The following GALNT17 variants were observed in gnomAD, a reference collection of about 807,000 sequenced individuals.
The protein encoded by GALNT17 is polypeptide N-acetylgalactosaminyltransferase 17, also known as UDP-GalNAc:polypeptide N-acetylgalactosaminyltransferase-like 3.
Under a neutral mutation model 63.7 loss-of-function variants are expected in GALNT17, and 29 were observed. The observed-to-expected ratio is 0.46, with a 90% confidence interval of 0.34 to 0.62. The LOEUF (loss-of-function observed/expected upper bound fraction) is 0.62, where lower values mean the gene tolerates loss of function less well. Among genes scored for constraint, GALNT17 ranks in the 20% least tolerant of loss-of-function variants. The pLI is 0.01. For missense variants in GALNT17, 603 were observed against 799.6 expected (o/e 0.75, Z 2.97); for synonymous variants, 305 against 318.3 (o/e 0.96, Z 0.45).
intron 1 of GALNT17, among the ~76,000 whole-genome samples, chr7:71,222,323 G>T (rs374477542): frequency 6.6e-6 from 1 of 151,998 alleles, no homozygotes; most frequent in Admixed American, 6.6e-5. Context: ...TCTAATCTGA[G>T]CCTCACACAC....
chr7:71,406,346 CT>C (rs1793328547), intron 3 of GALNT17, among the ~76,000 whole-genome samples: 1 of 152,134 alleles, frequency 6.6e-6, no homozygotes, highest in Admixed American at 6.5e-5. Context: ...CACGGGTGCC[CT>C]TCGAGGTCAT....
Position 71,424,377 on chromosome 7 carries a change from G to A in GALNT17, c.962+3272G>A, listed in dbSNP as rs796544997. 1.9e-4 allele frequency among the ~76,000 whole-genome samples: 29 copies of A among 152,334 alleles called. 1 individual carries two copies. Among genetic ancestry groups the A allele is most frequent in the African/African-American group, 6.7e-4 (28 of 41,576 alleles). ...CAGATAACAGTATGAGGGTGTCACC[G>A]TAAGTGCTGTCAACAGAGAAAAAGA... On this transcript the variant is annotated intron_variant, in intron 5 of 10. Transcript: ENST00000333538.
At position 71,162,124 on chromosome 7, in the gene GALNT17, C is replaced by T. The variant is rs1333028368; in HGVS notation, c.238+29084C>T. On this transcript the variant is annotated intron_variant, in intron 1 of 10. Transcript: ENST00000333538. ...CCCTTCCTTCCTCCCTCCCTCCCTC[C>T]CTTCCTTCCTTCCTTCCTTCCTTCC... Among the ~76,000 whole-genome samples, 3 of 51,720 alleles carry T rather than the reference C, an allele frequency of 5.8e-5. No homozygotes were observed. The East Asian group carries it at 6.9e-3, about 119-fold the overall frequency. The allele number at this position is 51,720 out of a possible 152,430, so 33.9% of individuals were successfully genotyped here.
At chr7:71,704,045 A>C (rs1791690192) in intron 9 of GALNT17, among the ~76,000 whole-genome samples, 1 of 152,110 alleles carries the variant, frequency 6.6e-6, no homozygotes. Context: ...AAAGATGAGA[A>C]GGGCCCAGGC....
intron 1 of GALNT17, among the ~76,000 whole-genome samples, chr7:71,204,657 C>T (rs1251485521): frequency 6.6e-6 from 1 of 151,922 alleles, no homozygotes; most frequent in East Asian, 1.9e-4. Flanking sequence ...CCTCCGCCTC[C>T]TGGGTTCAAG....
At chr7:71,570,324 G>C (rs1789418271) in intron 5 of GALNT17, among the ~76,000 whole-genome samples, 1 of 152,080 alleles carries the variant, frequency 6.6e-6, no homozygotes, top group Admixed American at 6.6e-5. Flanking sequence ...GATACCTTTA[G>C]GCACTAGGAT....
At chr7:71,425,553 C>G (rs562903123) in intron 5 of GALNT17, among the ~76,000 whole-genome samples, 2 of 152,188 alleles carry the variant, frequency 1.3e-5, no homozygotes, top group East Asian at 1.9e-4. Context: ...AAATCTAGAG[C>G]CTTTGTGAAA....
At chr7:71,543,670 C>T (rs896454811) in intron 5 of GALNT17, among the ~76,000 whole-genome samples, 1 of 148,650 alleles carries the variant, frequency 6.7e-6, no homozygotes, top group Non-Finnish European at 1.5e-5. Context: ...TGTTATCTTA[C>T]AAGCAGAGGG....
At chr7:71,515,659 G>A (rs1005386662) in intron 5 of GALNT17, among the ~76,000 whole-genome samples, 1 of 152,240 alleles carries the variant, frequency 6.6e-6, no homozygotes, top group Non-Finnish European at 1.5e-5. Context: ...CATGGGGAGA[G>A]GAGAATTATC....
chr7:71,241,839 T>TC (rs1252865863), intron 1 of GALNT17, among the ~76,000 whole-genome samples: 2 of 152,084 alleles, frequency 1.3e-5, no homozygotes, highest in African/African-American at 4.8e-5. Flanking sequence ...CAGTGAGCCA[T>TC]GATCACGCCC....
chr7:71,460,770 T>C (rs1305668677), intron 5 of GALNT17, among the ~76,000 whole-genome samples: 1 of 152,186 alleles, frequency 6.6e-6, no homozygotes, highest in African/African-American at 2.4e-5. Flanking sequence ...GCCTCCCCTT[T>C]TTAGGCCATA....
chr7:71,298,886 G>T (rs1208873079), intron 1 of GALNT17, among the ~76,000 whole-genome samples: 1 of 152,144 alleles, frequency 6.6e-6, no homozygotes, highest in Non-Finnish European at 1.5e-5. Flanking sequence ...AGTCATAGCT[G>T]CCCGGGACAT....
At chr7:71,564,739 C>T (rs916798241) in intron 5 of GALNT17, among the ~76,000 whole-genome samples, 4 of 152,288 alleles carry the variant, frequency 2.6e-5, no homozygotes, top group Middle Eastern at 3.4e-3. Context: ...CCCACAGCCT[C>T]CTGGGCACCT....
chr7:71,452,850 A>G (rs1787288422), intron 5 of GALNT17, among the ~76,000 whole-genome samples: 1 of 152,168 alleles, frequency 6.6e-6, no homozygotes, highest in Admixed American at 6.6e-5. Context: ...TTTTCTGGCC[A>G]GTTATGTAAA....
At chr7:71,348,889 T>G (rs1477789546) in intron 2 of GALNT17, among the ~76,000 whole-genome samples, 2 of 152,210 alleles carry the variant, frequency 1.3e-5, no homozygotes, top group African/African-American at 4.8e-5. Flanking sequence ...TTCCTCACTC[T>G]AGCAGTGCAC....
chr7:71,546,092 TCAACAA>T (rs369535513), intron 5 of GALNT17, among the ~76,000 whole-genome samples: 5 of 151,256 alleles, frequency 3.3e-5, no homozygotes, highest in Admixed American at 2.0e-4. Flanking sequence ...AGACCCTGTC[TCAACAA>T]CAACAACAAC....
At chr7:71,705,973 G>T (rs919451120) in intron 9 of GALNT17, among the ~76,000 whole-genome samples, 2 of 152,150 alleles carry the variant, frequency 1.3e-5, no homozygotes, top group Non-Finnish European at 2.9e-5. Flanking sequence ...TACCCCAAAG[G>T]CTCCTGGTTC....
At chr7:71,649,672 A>T (rs1790728982) in intron 6 of GALNT17, among the ~76,000 whole-genome samples, 1 of 152,096 alleles carries the variant, frequency 6.6e-6, no homozygotes, top group Non-Finnish European at 1.5e-5. Flanking sequence ...TTATTGGGTT[A>T]AAAGGTCCAG....
chr7:71,157,158 T>C lies in GALNT17; in HGVS notation c.238+24118T>C, dbSNP rs1306470177. 5.9e-5 allele frequency among the ~76,000 whole-genome samples: 9 copies of C among 151,806 alleles called. 1 individual carries two copies. Among genetic ancestry groups the C allele is most frequent in the African/African-American group, 2.2e-4 (9 of 41,136 alleles). ...TTTTGAAGTACTTTTCTAGTCATTTTCTCATGACAAAAGCTTTAAAGTCTT... is the reference window on the plus strand; with the variant it reads ...TTTTGAAGTACTTTTCTAGTCATTTCCTCATGACAAAAGCTTTAAAGTCTT... On this transcript the variant is annotated intron_variant, in intron 1 of 10. Transcript: ENST00000333538.
Sources: allele counts gnomAD v4.1 joint callset (sites outside exome capture counted in the v4.1 genomes callset), GRCh38; gene constraint gnomAD v4.1.1; transcripts MANE v1.5; gene names NCBI Gene and HGNC (gene_info 2026-07-23, HGNC 2026-07-21).